The following SLIT3 variants were observed in gnomAD, a reference collection of about 807,000 sequenced individuals.
The protein encoded by SLIT3 is slit guidance ligand 3.
A neutral mutation model predicts 184.0 loss-of-function variants in SLIT3; 68 were observed. That is an observed-to-expected ratio of 0.37 (90% CI 0.30 to 0.45). The LOEUF (loss-of-function observed/expected upper bound fraction) is 0.45, where lower values mean the gene tolerates loss of function less well. Among genes scored for constraint, SLIT3 ranks in the 20% least tolerant of loss-of-function variants. The probability of loss-of-function intolerance (pLI) is 1.00; values close to 1 mark genes in which losing one functional copy is unlikely to be tolerated. For missense variants in SLIT3, 1,707 were observed against 2,026.0 expected (o/e 0.84, Z 3.02); for synonymous variants, 831 against 828.6 (o/e 1.00, Z -0.05).
intron 4 of SLIT3, among the ~76,000 whole-genome samples, chr5:169,033,969 C>T (rs1010079942): frequency 5.3e-5 from 8 of 151,968 alleles, no homozygotes; most frequent in South Asian, 2.1e-4. Flanking sequence ...TCCACCACCA[C>T]GCCCGGCTAA....
intron 4 of SLIT3, among the ~76,000 whole-genome samples, chr5:168,949,749 G>T (rs537808759): frequency 5.9e-5 from 9 of 152,062 alleles, no homozygotes; most frequent in Non-Finnish European, 1.3e-4. Flanking sequence ...ACAGACACAC[G>T]CCACCACACC....
At chr5:168,936,578 A>T (rs1005051412) in intron 4 of SLIT3, among the ~76,000 whole-genome samples, 2 of 152,176 alleles carry the variant, frequency 1.3e-5, no homozygotes, top group African/African-American at 4.8e-5. Context: ...CTCCCAAGCA[A>T]CAGTCACCAC....
chr5:169,001,558 A>G (rs1395749455), intron 4 of SLIT3, among the ~76,000 whole-genome samples: 1 of 152,160 alleles, frequency 6.6e-6, no homozygotes, highest in African/African-American at 2.4e-5. Context: ...GAAATAGACT[A>G]GAAACAGACC....
chr5:169,011,761 A>G (rs1465619951), intron 4 of SLIT3, among the ~76,000 whole-genome samples: 1 of 152,174 alleles, frequency 6.6e-6, no homozygotes, highest in African/African-American at 2.4e-5. Flanking sequence ...TTGTCAGCAA[A>G]TGTGCTGCAG....
chr5:168,680,230 T>C (rs1761544500), intron 32 of SLIT3, among the ~76,000 whole-genome samples: 1 of 152,224 alleles, frequency 6.6e-6, no homozygotes, highest in African/African-American at 2.4e-5. Flanking sequence ...TGCTGGCATG[T>C]GAGTCTGGCC....
chr5:168,876,207 C>T (rs1425790865), intron 5 of SLIT3, among the ~76,000 whole-genome samples: 1 of 152,166 alleles, frequency 6.6e-6, no homozygotes, highest in African/African-American at 2.4e-5. Context: ...CTTTTTAGAT[C>T]CACTTTACTT....
intron 1 of SLIT3, among the ~76,000 whole-genome samples, chr5:169,259,888 T>C (rs1208556609): frequency 6.6e-6 from 1 of 152,064 alleles, no homozygotes; most frequent in African/African-American, 2.4e-5. Context: ...CTCAGGAGAT[T>C]CTTAGAGAAC....
chr5:168,800,879 C>T (rs1036995239), intron 9 of SLIT3, among the ~76,000 whole-genome samples: 2 of 152,168 alleles, frequency 1.3e-5, no homozygotes, highest in African/African-American at 4.8e-5. Flanking sequence ...GAGACTAAAT[C>T]GTTCTGTGAT....
At chr5:168,785,137 GCACA>G (rs34278304) in intron 12 of SLIT3, among the ~76,000 whole-genome samples, 4 of 140,826 alleles carry the variant, frequency 2.8e-5, no homozygotes, top group South Asian at 2.3e-4. Flanking sequence ...GCACATGCAT[GCACA>G]CACACACACA....
intron 4 of SLIT3, among the ~76,000 whole-genome samples, chr5:169,131,320 T>C (rs1402354344): frequency 6.6e-6 from 1 of 152,192 alleles, no homozygotes; most frequent in Admixed American, 6.5e-5. Context: ...ATCAATATCA[T>C]CTGGGAACTT....
chr5:168,717,804 G>C (rs1762790815), intron 23 of SLIT3, among the ~76,000 whole-genome samples: 1 of 151,034 alleles, frequency 6.6e-6, no homozygotes, highest in Admixed American at 6.6e-5. Context: ...GGGACTACAG[G>C]CACCCGCCAC....
At chr5:168,756,874 C>A (rs985130610) in intron 16 of SLIT3, among the ~76,000 whole-genome samples, 1 of 152,170 alleles carries the variant, frequency 6.6e-6, no homozygotes, top group East Asian at 1.9e-4. Flanking sequence ...CATTTCCTGA[C>A]ATCTGTTTCT....
At chr5:168,783,357 G>C (rs900244073) in intron 12 of SLIT3, among the ~76,000 whole-genome samples, 1 of 152,096 alleles carries the variant, frequency 6.6e-6, no homozygotes, top group Admixed American at 6.5e-5. Flanking sequence ...AAAGCTCCCA[G>C]GAGGCTGGCT....
intron 4 of SLIT3, among the ~76,000 whole-genome samples, chr5:168,989,109 C>A (rs766249883): frequency 6.6e-6 from 1 of 152,142 alleles, no homozygotes; most frequent in Non-Finnish European, 1.5e-5. Context: ...AATACAGGAG[C>A]CTTGCAGAAC....
chr5:169,047,766 T>A (rs1289145290), intron 4 of SLIT3, among the ~76,000 whole-genome samples: 1 of 152,114 alleles, frequency 6.6e-6, no homozygotes, highest in Non-Finnish European at 1.5e-5. Flanking sequence ...TCCCCTCACT[T>A]CCCCAGCTGC....
intron 4 of SLIT3, among the ~76,000 whole-genome samples, chr5:169,142,928 A>G (rs1408350820): frequency 6.6e-6 from 1 of 152,214 alleles, no homozygotes; most frequent in Non-Finnish European, 1.5e-5. Context: ...GGTCAGTAAT[A>G]AAAGAATATA....
chr5:168,765,091 G>T (rs1755294896), intron 14 of SLIT3, among the ~76,000 whole-genome samples: 1 of 152,190 alleles, frequency 6.6e-6, no homozygotes, highest in African/African-American at 2.4e-5. Context: ...AAGGAACCCT[G>T]ACTGCTGATC....
chr5:168,674,855 C>T (rs977891593), intron 32 of SLIT3, among the ~76,000 whole-genome samples: 1 of 152,154 alleles, frequency 6.6e-6, no homozygotes, highest in Non-Finnish European at 1.5e-5. Flanking sequence ...GGCCAAGAGC[C>T]ACTCACCGAG....
At chr5:168,794,217 T>C (rs1423978383) in intron 10 of SLIT3, among the ~76,000 whole-genome samples, 2 of 152,224 alleles carry the variant, frequency 1.3e-5, no homozygotes, top group Admixed American at 6.5e-5. Flanking sequence ...TATTTCTACC[T>C]GACTCTCTCT....
Sources: gnomAD v4.1 joint callset for allele counts (sites outside exome capture counted in the v4.1 genomes callset) on GRCh38, gnomAD v4.1.1 for gene constraint, MANE v1.5 for transcripts, NCBI Gene and HGNC (gene_info 2026-07-23, HGNC 2026-07-21) for gene names.